Variants in MARCHF4 observed in about 807,000 individuals in gnomAD.
The protein encoded by MARCHF4 is E3 ubiquitin-protein ligase MARCHF4.
Under a neutral mutation model 43.9 loss-of-function variants are expected in MARCHF4, and 14 were observed. The observed-to-expected ratio is 0.32, with a 90% CI of 0.21 to 0.50. The LOEUF (loss-of-function observed/expected upper bound fraction) is 0.50. Among genes scored for constraint, MARCHF4 ranks in the 20% least tolerant of loss-of-function variants. The probability of loss-of-function intolerance (pLI) is 0.98; values close to 1 mark genes in which losing one functional copy is unlikely to be tolerated. For missense variants in MARCHF4, 468 were observed against 536.7 expected (o/e 0.87, Z 1.27); for synonymous variants, 226 against 213.3 (o/e 1.06, Z -0.52).
In MARCHF4 at chr2:216,286,018, G is replaced by A. The variant is rs115799715; in HGVS notation, c.517-2289C>T. Among the ~76,000 whole-genome samples, 337 of 152,280 alleles carry A rather than the reference G, an allele frequency of 2.2e-3. 4 individuals are homozygous for A. Among genetic ancestry groups the A allele is most frequent in the Middle Eastern group, 6.8e-3 (2 of 294 alleles). On this transcript the variant is annotated intron_variant, in intron 1 of 3. Coordinates refer to ENST00000273067, the MANE Select transcript of MARCHF4 (RefSeq NM_020814.3). ...GGGGCACAGCTGATAACAAGACCCG[G>A]GCTCTGGTTGTGGGACCATTGGGGC...
intron 1 of MARCHF4, among the ~76,000 whole-genome samples, chr2:216,347,932 T>A (rs770068974): frequency 3.3e-5 from 5 of 150,764 alleles, no homozygotes; most frequent in Non-Finnish European, 5.9e-5. Context: ...CTAATGTTAA[T>A]GTCAGAGGCA....
Position 216,283,647 on chromosome 2 carries a change from C to A in MARCHF4, c.599G>T (p.Arg200Leu). ...QPCLIKWISE[R>L]GCWSCELCYY... ...GCACAGCTCGCAGCTCCAGCAGCCC[C>A]GCTCGCTGATCCACTTGATGAGGCA... Residue 200 changes from arginine to leucine, a missense_variant, in exon 2 of 4, where the codon CGG becomes CTG. By Grantham distance (102) the Arg-to-Leu change is moderately radical. Around this residue, in one of 3 missense-constraint regions of MARCHF4, gnomAD observed 158 missense variants for 251.1 expected, o/e 0.63. Coordinates refer to ENST00000273067, the MANE Select transcript of MARCHF4 (RefSeq NM_020814.3). 1 of 1,613,850 alleles carries A rather than the reference C, an allele frequency of 6.2e-7. No individual in the cohort carries two copies. Among genetic ancestry groups the A allele is most frequent in the Non-Finnish European group, 8.5e-7 (1 of 1,179,742 alleles).
At chr2:216,297,416 G>T (rs1691413951) in intron 1 of MARCHF4, among the ~76,000 whole-genome samples, 1 of 152,124 alleles carries the variant, frequency 6.6e-6, no homozygotes, top group Admixed American at 6.5e-5. Context: ...TCATAGAACA[G>T]CCCACACCTC....
rs58031229 is a variant in MARCHF4, at chr2:216,336,742, T to TAAAAAAAAAAAA, written c.516+32991_516+33002dup. Among the ~76,000 whole-genome samples, 52 of 55,656 alleles carry TAAAAAAAAAAAA rather than the reference T, an allele frequency of 9.3e-4. 2 individuals carry two copies. Among genetic ancestry groups the TAAAAAAAAAAAA allele is most frequent in the East Asian group, 2.6e-3 (2 of 758 alleles). The allele number at this position is 55,656 out of a possible 152,430, so 36.5% of individuals were successfully genotyped here. ...GGCAAATGGGAAAGGCAAATAGATT[T>TAAAAAAAAAAAA]AAAAAAAAAAAAAAAAAAAAAAAAA... On this transcript the variant is annotated intron_variant, in intron 1 of 3. Transcript: ENST00000273067.
intron 1 of MARCHF4, among the ~76,000 whole-genome samples, chr2:216,334,076 C>A (rs1193836042): frequency 6.6e-6 from 1 of 151,936 alleles, no homozygotes; most frequent in African/African-American, 2.4e-5. Flanking sequence ...TGTTACACTG[C>A]ATGACAAAGG....
Position 216,370,131 on chromosome 2 carries a change from TGCGGCA to T in MARCHF4, c.124_129del (p.Cys42_Arg43del). 6.2e-7 allele frequency: 1 copy of T among 1,606,556 alleles called. No individual in the cohort carries two copies. The stretch of plus-strand genomic sequence containing the variant: ...AAAACCTTCAGGTCATTGAAGAGCA[TGCGGCA>T]GCGGCACTTGAGGAGACCCTGGTGG... On this transcript the variant is annotated inframe_deletion, in exon 1 of 4. Transcript: ENST00000273067.
intron 1 of MARCHF4, among the ~76,000 whole-genome samples, chr2:216,303,098 T>C (rs937322922): frequency 1.3e-5 from 2 of 152,006 alleles, no homozygotes; most frequent in Non-Finnish European, 2.9e-5. Context: ...GCTCAGAACA[T>C]AGGAATGAAA....
chr2:216,367,763 C>T (rs1467760539), intron 1 of MARCHF4, among the ~76,000 whole-genome samples: 2 of 152,198 alleles, frequency 1.3e-5, no homozygotes, highest in Non-Finnish European at 2.9e-5. Context: ...TAACCTCTGA[C>T]CAGATCTTGT....
At chr2:216,276,077 T>C (rs868018345) in intron 3 of MARCHF4, among the ~76,000 whole-genome samples, 1 of 152,190 alleles carries the variant, frequency 6.6e-6, no homozygotes, top group Non-Finnish European at 1.5e-5. Context: ...CTGCGATCTG[T>C]GGAATTGTTT....
At chr2:216,344,721 G>A (rs1692288816) in intron 1 of MARCHF4, among the ~76,000 whole-genome samples, 1 of 151,818 alleles carries the variant, frequency 6.6e-6, no homozygotes, top group Non-Finnish European at 1.5e-5. Flanking sequence ...AGGGAGGGGT[G>A]TTAAAGGCTT....
At chr2:216,317,634 G>A (rs950934631) in intron 1 of MARCHF4, among the ~76,000 whole-genome samples, 4 of 152,196 alleles carry the variant, frequency 2.6e-5, no homozygotes, top group South Asian at 2.1e-4. Flanking sequence ...CACTGGTCTC[G>A]AACTCCTGAC....
chr2:216,272,616 G>T (rs1027416641), intron 3 of MARCHF4, among the ~76,000 whole-genome samples: 1 of 152,190 alleles, frequency 6.6e-6, no homozygotes, highest in African/African-American at 2.4e-5. Flanking sequence ...GAGCACAGTT[G>T]CTTTAAGCCT....
chr2:216,303,554 A>T (rs1194815688), intron 1 of MARCHF4: 1 of 152,274 alleles, frequency 6.6e-6, no homozygotes, highest in Non-Finnish European at 1.5e-5. Flanking sequence ...CTTGACTGGG[A>T]GTGCAGTTAC....
At chr2:216,290,264 T>C (rs1410422221) in intron 1 of MARCHF4, among the ~76,000 whole-genome samples, 1 of 152,136 alleles carries the variant, frequency 6.6e-6, no homozygotes, top group Non-Finnish European at 1.5e-5. Context: ...AGTGAAGAGC[T>C]GAGGAAAGTA....
rs374432723 is a variant in MARCHF4, at chr2:216,259,546, G to T, written c.999C>A (p.Asn333Lys). The stretch of plus-strand genomic sequence containing the variant: ...CCTGGGTGGATGAGGAGGTCCGGGG[G>T]TTGGTCCTGCCTCCTGCCTTTTGAT... ...LEDQKAGGRTNPRTSSSTQAN... is the reference protein window; with the variant it reads ...LEDQKAGGRTKPRTSSSTQAN... The change falls in exon 4 of 4, where the codon AAC becomes AAA. Residue 333 changes from asparagine to lysine, a missense_variant. Asn to Lys is a moderately conservative substitution (Grantham distance 94). Transcript: ENST00000273067. 9 of 1,614,094 alleles carry T rather than the reference G, an allele frequency of 5.6e-6. No homozygotes were observed. Among genetic ancestry groups the T allele is most frequent in the Non-Finnish European group, 7.6e-6 (9 of 1,180,040 alleles).
At chr2:216,344,385 C>G (rs1196422177) in intron 1 of MARCHF4, among the ~76,000 whole-genome samples, 2 of 152,082 alleles carry the variant, frequency 1.3e-5, no homozygotes, top group Non-Finnish European at 2.9e-5. Context: ...GGCTGCCTCT[C>G]GTAGAATTGA....
chr2:216,356,312 T>C (rs1692502311), intron 1 of MARCHF4, among the ~76,000 whole-genome samples: 2 of 152,214 alleles, frequency 1.3e-5, no homozygotes, highest in Non-Finnish European at 1.5e-5. Context: ...TCTCAAAGCA[T>C]GCAGTATACT....
chr2:216,330,220 G>C (rs540766824), intron 1 of MARCHF4, among the ~76,000 whole-genome samples: 11 of 152,040 alleles, frequency 7.2e-5, no homozygotes, highest in Admixed American at 1.3e-4. Context: ...GAATGAATAT[G>C]GTCATCCATT....
chr2:216,333,239 C>T (rs192727676), intron 1 of MARCHF4, among the ~76,000 whole-genome samples: 43 of 152,276 alleles, frequency 2.8e-4, no homozygotes, highest in Admixed American at 1.9e-3. Context: ...ATTTGCAAAA[C>T]GCATATATGC....
Sources: allele counts gnomAD v4.1 joint callset (sites outside exome capture counted in the v4.1 genomes callset), GRCh38; gene constraint gnomAD v4.1.1; regional missense constraint gnomAD v4.1.1; transcripts MANE v1.5; gene names NCBI Gene and HGNC (gene_info 2026-07-23, HGNC 2026-07-21).